The following PKHD1L1 variants were observed in gnomAD, a reference collection of about 807,000 sequenced individuals.
PKHD1L1 encodes the protein PKHD1 like 1.
In PKHD1L1, 434 loss-of-function variants were observed where a neutral mutation model predicts 462.9. The ratio of observed to expected loss-of-function variants is 0.94; its 90% CI spans 0.87 to 1.02. PKHD1L1 has a LOEUF of 1.02. Ranked by LOEUF, PKHD1L1 falls within the 50% of genes least tolerant of loss-of-function variation. The pLI is 0.00. For missense variants in PKHD1L1, 5,202 were observed against 5,096.1 expected, an observed-to-expected ratio of 1.02 and a Z score of -0.63; for synonymous variants, 1,781 against 1,750.0, an observed-to-expected ratio of 1.02 and a Z score of -0.44.
At chr8:109,428,375 C>T (rs1487505506) in intron 25 of PKHD1L1, among the ~76,000 whole-genome samples, 1 of 151,974 alleles carries the variant, frequency 6.6e-6, no homozygotes, top group Non-Finnish European at 1.5e-5. Context: ...CATATATTTA[C>T]CTGGAAAGAA....
chr8:109,535,785 A>G lies in PKHD1L1; in HGVS notation c.*5695A>G, dbSNP rs931639746. ...AAAATACAAAAGACTAAGTTAGCAG[A>G]TCATTTTGATATCCAGATGTGCTGA... On this transcript the variant is annotated 3_prime_UTR_variant, in exon 78 of 78. Transcript: ENST00000378402. 1.1e-4 allele frequency among the ~76,000 whole-genome samples: 16 copies of G among 152,366 alleles called. No individual in the cohort carries two copies. The highest frequency in any genetic ancestry group is 2.9e-4 in the African/African-American group (12 of 41,588).
Position 109,479,622 on chromosome 8 carries a change from A to G in PKHD1L1, c.9161A>G (p.Asn3054Ser). 6.6e-7 allele frequency: 1 copy of G among 1,510,708 alleles called. No individual in the cohort carries two copies. The highest frequency in any genetic ancestry group is 9.1e-7 in the Non-Finnish European group (1 of 1,097,342). 93.6% of individuals were successfully genotyped at this position (1,510,708 alleles called of 1,614,324 possible). ...NNYTVPHPGA[N>S]VIIPEGTWIV... ...TATACTGTACCTCACCCAGGGGCAA[A>G]TGTGATTATACCTGAAGGTAAATGC... Residue 3054 changes from asparagine (N) to serine (S), a missense_variant, in exon 54 of 78, where the codon AAT (asparagine) becomes AGT (serine). Asn to Ser is a conservative substitution (Grantham distance 46). Around this residue, in one of 3 missense-constraint regions of PKHD1L1, gnomAD observed 4,497 missense variants for 4,336.8 expected, o/e 1.04. Transcript: ENST00000378402.
chr8:109,494,573 T>C (rs1367467659), intron 63 of PKHD1L1, among the ~76,000 whole-genome samples: 2 of 151,998 alleles, frequency 1.3e-5, no homozygotes, highest in South Asian at 2.1e-4. Flanking sequence ...AAGAGTTCAA[T>C]GTATTGATAT....
At chr8:109,399,063 T>C (rs915985519) in intron 12 of PKHD1L1, among the ~76,000 whole-genome samples, 4 of 152,186 alleles carry the variant, frequency 2.6e-5, no homozygotes, top group Non-Finnish European at 5.9e-5. Context: ...ATGCTGTACA[T>C]GTGTCTGCGT....
intron 1 of PKHD1L1, 137 bp from the exon 2 acceptor site, chr8:109,364,410 C>A: frequency 1.5e-6 from 1 of 684,044 alleles, no homozygotes; most frequent in Non-Finnish European, 2.5e-6. Context: ...AAAAATAAAA[C>A]CTGGGTGAAT....
At chr8:109,428,475 G>T (rs1478067336) in intron 25 of PKHD1L1, among the ~76,000 whole-genome samples, 2 of 151,974 alleles carry the variant, frequency 1.3e-5, no homozygotes, top group African/African-American at 4.8e-5. Flanking sequence ...AGGAAGTGGG[G>T]GCAAAAACAA....
chr8:109,487,901 G>GAAGGAAGGAAGGA (rs1406984101), intron 59 of PKHD1L1, among the ~76,000 whole-genome samples: 3 of 139,204 alleles, frequency 2.2e-5, no homozygotes, highest in Non-Finnish European at 4.8e-5. Context: ...AGGAAGGAAG[G>GAAGGAAGGAAGGA]AAGGAAGGAA....
At chr8:109,422,795 AT>A (rs1443952705) in intron 23 of PKHD1L1, among the ~76,000 whole-genome samples, 3 of 151,812 alleles carry the variant, frequency 2.0e-5, no homozygotes, top group Admixed American at 2.0e-4. Context: ...AAACTACCAT[AT>A]TTTTTTTCTG....
chr8:109,422,672 A>G (rs1286930218), intron 23 of PKHD1L1, among the ~76,000 whole-genome samples: 4 of 152,122 alleles, frequency 2.6e-5, no homozygotes, highest in Non-Finnish European at 4.4e-5. Flanking sequence ...TTAAACCGCT[A>G]TGAACATTCA....
chr8:109,485,043 G>T lies in PKHD1L1; in HGVS notation c.9577-1G>T, dbSNP rs766109716. 5 of 1,565,860 alleles carry T rather than the reference G, an allele frequency of 3.2e-6. No homozygotes were observed. In the South Asian group the frequency reaches 3.7e-5, roughly 12 times the overall value. On this transcript the variant is annotated splice_acceptor_variant, in intron 57 of 77. Coordinates refer to ENST00000378402, the MANE Select transcript of PKHD1L1 (RefSeq NM_177531.6). LOFTEE classifies it high-confidence loss of function. ...AAATTTGGCACTTGAATTTTTCTAA[G>T]GAGGGAGAAGAGATTGTGATAACAA...
chr8:109,464,533 G>A lies in PKHD1L1; in HGVS notation c.7701G>A (p.Pro2567=), dbSNP rs770310148. 16 of 1,613,534 alleles carry A rather than the reference G, an allele frequency of 9.9e-6. No individual in the cohort carries two copies. The highest frequency in any genetic ancestry group is 6.7e-5 in the Admixed American group (4 of 59,938). ...VTPAAFWVTN[P]NNTIRHNAVA... is the part of the protein sequence containing the mutation. Reference sequence around the variant, plus strand: ...CGGCTGCATTTTGGGTCACCAACCCGAACAATACCATACGACACAATGCTG... The same window carrying A: ...CGGCTGCATTTTGGGTCACCAACCCAAACAATACCATACGACACAATGCTG... Residue 2567 remains proline, a synonymous_variant, in exon 49 of 78, where the codon CCG becomes CCA. Coordinates refer to ENST00000378402, the MANE Select transcript of PKHD1L1 (RefSeq NM_177531.6).
At chr8:109,506,224 C>G (rs1819681723) in intron 68 of PKHD1L1, among the ~76,000 whole-genome samples, 1 of 152,148 alleles carries the variant, frequency 6.6e-6, no homozygotes, top group Non-Finnish European at 1.5e-5. Context: ...GCAGTGTACC[C>G]AGCCCCCAAA....
chr8:109,439,005 C>A lies in PKHD1L1; in HGVS notation c.3869C>A (p.Thr1290Lys). The A allele has an allele frequency of 6.2e-7, 1 of 1,613,674 alleles. No homozygotes were observed. Among genetic ancestry groups the A allele is most frequent in the Non-Finnish European group, 8.5e-7 (1 of 1,179,686 alleles). Residue 1290 changes from threonine to lysine, a missense_variant, in exon 32 of 78, where the codon ACA becomes AAA. By Grantham distance (78) the Thr-to-Lys change is moderately conservative. Transcript: ENST00000378402. ...KTCQILHWNF[T>K]DIRCLLPKLS... ...TGCCAGATTCTTCACTGGAACTTCA[C>A]AGATATTAGATGCCTTTTGCCCAAG...
intron 7 of PKHD1L1, 22 bp downstream of exon 7, chr8:109,388,572 C>G: frequency 6.8e-7 from 1 of 1,467,356 alleles, no homozygotes; most frequent in Non-Finnish European, 9.3e-7. Flanking sequence ...AAATTATTTT[C>G]TTTACAAAAA....
At position 109,443,159 on chromosome 8, in the gene PKHD1L1, A is replaced by G. The variant is rs745345875; in HGVS notation, c.4564+43A>G. 3 of 1,580,090 alleles carry G rather than the reference A, an allele frequency of 1.9e-6. No homozygotes were observed. In the African/African-American group the frequency reaches 4.0e-5, roughly 21 times the overall value. On this transcript the variant is annotated intron_variant, in intron 36 of 77. Coordinates refer to ENST00000378402, the MANE Select transcript of PKHD1L1 (RefSeq NM_177531.6). Reference sequence around the variant, plus strand: ...GGAAACTCTGTTACACAGGTGACCCAGGGTGTATGTGATATTTCTGGAGCC... The same window carrying G: ...GGAAACTCTGTTACACAGGTGACCCGGGGTGTATGTGATATTTCTGGAGCC...
chr8:109,387,166 C>G (rs1318913485), intron 6 of PKHD1L1, among the ~76,000 whole-genome samples: 1 of 152,102 alleles, frequency 6.6e-6, no homozygotes, highest in Non-Finnish European at 1.5e-5. Flanking sequence ...GGCAGGAATT[C>G]AGGAGACCTG....
chr8:109,477,490 T>C, intron 53 of PKHD1L1, 94 bp downstream of exon 53: 7 of 1,170,674 alleles, frequency 6.0e-6, no homozygotes, highest in Non-Finnish European at 8.2e-6. Flanking sequence ...TGCTTTACTC[T>C]TGCACAATGT....
intron 23 of PKHD1L1, among the ~76,000 whole-genome samples, chr8:109,424,487 A>C (rs567412360): frequency 6.6e-6 from 1 of 152,320 alleles, no homozygotes; most frequent in South Asian, 2.1e-4. Flanking sequence ...CAGTAGTAAC[A>C]GATAACTATA....
At position 109,439,104 on chromosome 8, in the gene PKHD1L1, A is replaced by AACATAAACTTGATGG. The variant is rs1815621813; in HGVS notation, c.3956+14_3956+28dup. ...TTTGCATCAACAAGGTATGATAATG[A>AACATAAACTTGATGG]ACATAAACTTGATGGAGTTGTAGAA... On this transcript the variant is annotated intron_variant, in intron 32 of 77. Transcript: ENST00000378402. 1 of 1,605,980 alleles carries AACATAAACTTGATGG rather than the reference A, an allele frequency of 6.2e-7. No individual in the cohort carries two copies. The highest frequency in any genetic ancestry group is 1.3e-5 in the African/African-American group (1 of 74,558).
Sources: gnomAD v4.1 joint callset for allele counts (sites outside exome capture counted in the v4.1 genomes callset) on GRCh38, gnomAD v4.1.1 for gene constraint, gnomAD v4.1.1 regional missense constraint, MANE v1.5 for transcripts, NCBI Gene and HGNC (gene_info 2026-07-23, HGNC 2026-07-21) for gene names.